The following RAD51AP2 variants were observed in gnomAD, a reference collection of about 807,000 sequenced individuals.
RAD51AP2 encodes RAD51 associated protein 2, also known as RAD51-associated protein 2.
In RAD51AP2, 67 loss-of-function variants were observed where a neutral mutation model predicts 85.5. The observed-to-expected ratio is 0.78, with a 90% CI of 0.64 to 0.96. The LOEUF is 0.96. RAD51AP2 is among the 40% of genes least tolerant of loss of function. The probability of loss-of-function intolerance (pLI) is 0.00; values close to 1 mark genes in which losing one functional copy is unlikely to be tolerated. For missense variants in RAD51AP2, 1,307 were observed against 1,332.4 expected, an observed-to-expected ratio of 0.98 and a Z score of 0.30; for synonymous variants, 474 against 446.5, an observed-to-expected ratio of 1.06 and a Z score of -0.78.
At chr2:17,535,571 T>A in the RAD51AP2 span, among the ~76,000 whole-genome samples, 1 of 152,152 alleles carries the variant, frequency 6.6e-6, no homozygotes, top group Non-Finnish European at 1.5e-5. Flanking sequence ...GAAAATGGAA[T>A]TCACGGGATT....
At position 17,518,201 on chromosome 2, in the gene RAD51AP2, T is replaced by G; in HGVS notation, c.215A>C (p.Lys72Thr). The G allele has an allele frequency of 1.2e-6, 2 of 1,614,150 alleles. No individual in the cohort carries two copies. The highest frequency in any genetic ancestry group is 1.1e-5 in the South Asian group (1 of 91,080). ...KVWELSPRPF[K>T]GLLVSTNAIF... ...AGCATTCGTTGAAACAAGGAGTCCC[T>G]TGAAGGGTCTAGGGGACAACTCCCA... is the stretch of plus-strand genomic sequence containing the variant. The change falls in exon 1 of 3, where the codon AAG (lysine) becomes ACG (threonine). Residue 72 changes from lysine to threonine, a missense_variant. By Grantham distance (78) the Lys-to-Thr change is moderately conservative. This residue lies in a region of RAD51AP2 where 635 missense variants were observed against 643.6 expected (regional missense o/e 0.99). Transcript: ENST00000399080.
the RAD51AP2 span, among the ~76,000 whole-genome samples, chr2:17,534,902 C>A: frequency 6.6e-6 from 1 of 152,154 alleles, no homozygotes; most frequent in African/African-American, 2.4e-5. Flanking sequence ...TATCAAAGAA[C>A]CTTAAATTCA....
upstream of RAD51AP2, among the ~76,000 whole-genome samples, chr2:17,520,360 T>C (rs1049714264): frequency 1.3e-4 from 19 of 151,982 alleles, no homozygotes; most frequent in Non-Finnish European, 2.4e-4. Context: ...AAGTGAGAAA[T>C]GCAAAAAATT....
chr2:17,511,221 A>G (rs1425888116), intron 2 of RAD51AP2, among the ~76,000 whole-genome samples: 1 of 152,192 alleles, frequency 6.6e-6, no homozygotes, highest in Admixed American at 6.5e-5. Flanking sequence ...CAGGCAGTCT[A>G]ACTTAACAAC....
At chr2:17,525,676 A>T in the RAD51AP2 span, among the ~76,000 whole-genome samples, 1 of 152,042 alleles carries the variant, frequency 6.6e-6, no homozygotes, top group Non-Finnish European at 1.5e-5. Flanking sequence ...GAGGTCATTC[A>T]TGCTCATCAC....
At chr2:17,528,236 A>G in the RAD51AP2 span, among the ~76,000 whole-genome samples, 1 of 152,174 alleles carries the variant, frequency 6.6e-6, no homozygotes, top group Non-Finnish European at 1.5e-5. Context: ...GTTTGTTGTC[A>G]TCTAAATACT....
chr2:17,518,128 C>T lies in RAD51AP2; in HGVS notation c.288G>A (p.Gly96=). The T allele has an allele frequency of 1.2e-6, 2 of 1,614,180 alleles. No homozygotes were observed. The highest frequency in any genetic ancestry group is 2.2e-5 in the South Asian group (2 of 91,088). ...TDSCVEKSVS[G]KQICNLKCSN... Reference sequence around the variant, plus strand: ...AGCATTTCAGATTACATATCTGCTTCCCACTGACTGATTTCTCCACACACG... The same window carrying T: ...AGCATTTCAGATTACATATCTGCTTTCCACTGACTGATTTCTCCACACACG... Residue 96 remains glycine (G), a synonymous_variant, in exon 1 of 3, where the codon GGG becomes GGA. Coordinates refer to ENST00000399080, the MANE Select transcript of RAD51AP2 (RefSeq NM_001099218.3).
At chr2:17,520,126 T>C (rs1662825238), upstream of RAD51AP2, among the ~76,000 whole-genome samples, 2 of 152,268 alleles carry the variant, frequency 1.3e-5, no homozygotes, top group South Asian at 4.1e-4. Context: ...TACATGTAAC[T>C]CAACAATTGT....
At chr2:17,526,171 T>G in the RAD51AP2 span, among the ~76,000 whole-genome samples, 5 of 152,018 alleles carry the variant, frequency 3.3e-5, no homozygotes, top group Non-Finnish European at 7.4e-5. Context: ...TGTATTTTTT[T>G]TAAAAAGTAA....
chr2:17,518,542 T>A, upstream of RAD51AP2: 1 of 1,255,306 alleles, frequency 8.0e-7, no homozygotes, highest in Non-Finnish European at 1.1e-6. Context: ...AATCTCAGGG[T>A]TTGCCCCACC....
the RAD51AP2 span, among the ~76,000 whole-genome samples, chr2:17,536,375 C>T: frequency 6.6e-6 from 1 of 152,184 alleles, no homozygotes; most frequent in Admixed American, 6.5e-5. Flanking sequence ...GGGCCATGCA[C>T]AGTGCAATTC....
At chr2:17,512,770 TGGAG>T in intron 2 of RAD51AP2, among the ~76,000 whole-genome samples, 1 of 152,196 alleles carries the variant, frequency 6.6e-6, no homozygotes, top group African/African-American at 2.4e-5. Flanking sequence ...TTTTGACTCA[TGGAG>T]TATTGTTCCA....
the RAD51AP2 span, among the ~76,000 whole-genome samples, chr2:17,532,337 G>T: frequency 3.3e-5 from 5 of 152,068 alleles, no homozygotes; most frequent in African/African-American, 1.2e-4. Context: ...GCTTCTTGTT[G>T]TTGCTGGAAA....
upstream of RAD51AP2, among the ~76,000 whole-genome samples, chr2:17,519,537 C>T (rs1662810214): frequency 1.3e-5 from 2 of 152,054 alleles, no homozygotes; most frequent in South Asian, 4.2e-4. Context: ...CAGAACCCTC[C>T]CATGGCATAG....
the RAD51AP2 span, among the ~76,000 whole-genome samples, chr2:17,537,811 G>C: frequency 6.6e-6 from 1 of 152,180 alleles, no homozygotes; most frequent in African/African-American, 2.4e-5. Context: ...TAAGGTGGAA[G>C]TAAGGCTAGA....
At chr2:17,535,254 AG>A in the RAD51AP2 span, among the ~76,000 whole-genome samples, 1 of 152,208 alleles carries the variant, frequency 6.6e-6, no homozygotes, top group Non-Finnish European at 1.5e-5. Context: ...ATAAGTGCGG[AG>A]AAGTGAAACA....
chr2:17,524,986 A>G, the RAD51AP2 span, among the ~76,000 whole-genome samples: 49 of 151,960 alleles, frequency 3.2e-4, no homozygotes, highest in Non-Finnish European at 6.3e-4. Context: ...GGTCCAAAAA[A>G]TAGAGCTCTG....
chr2:17,533,005 G>A, the RAD51AP2 span, among the ~76,000 whole-genome samples: 1 of 152,160 alleles, frequency 6.6e-6, no homozygotes, highest in Non-Finnish European at 1.5e-5. Context: ...CTAGGAATTT[G>A]CAAACAAATA....
chr2:17,516,267 C>T lies in RAD51AP2; in HGVS notation c.2149G>A (p.Val717Ile), dbSNP rs778512408. The T allele has an allele frequency of 1.2e-6, 2 of 1,610,888 alleles. No individual in the cohort carries two copies. The highest frequency in any genetic ancestry group is 1.7e-6 in the Non-Finnish European group (2 of 1,179,206). The part of the protein sequence containing the change: ...TCQNMSCPQQ[V>I]VNVENWAHYN... ...TGAGCCCAATTTTCCACATTCACAACTTGTTGAGGACAACTCATATTCTGA... is the reference window on the plus strand; with the variant it reads ...TGAGCCCAATTTTCCACATTCACAATTTGTTGAGGACAACTCATATTCTGA... The change falls in exon 1 of 3, where the codon GTT (valine) becomes ATT (isoleucine). Residue 717 changes from valine (V) to isoleucine (I), a missense_variant. Val to Ile is a conservative substitution (Grantham distance 29). Coordinates refer to ENST00000399080, the MANE Select transcript of RAD51AP2 (RefSeq NM_001099218.3).
Sources: allele counts gnomAD v4.1 joint callset (sites outside exome capture counted in the v4.1 genomes callset), GRCh38; gene constraint gnomAD v4.1.1; regional missense constraint gnomAD v4.1.1; transcripts MANE v1.5; gene names NCBI Gene and HGNC (gene_info 2026-07-23, HGNC 2026-07-21).